The following PICALM variants were observed in gnomAD, a reference collection of about 807,000 sequenced individuals.
PICALM encodes phosphatidylinositol-binding clathrin assembly protein.
A neutral mutation model predicts 80.5 loss-of-function variants in PICALM; 40 were observed. That is an observed-to-expected ratio of 0.50 (90% confidence interval 0.39 to 0.65). PICALM has a LOEUF of 0.65. Among genes scored for constraint, PICALM ranks in the 30% least tolerant of loss-of-function variants. The probability of loss-of-function intolerance (pLI) is 0.00; values close to 1 mark genes in which losing one functional copy is unlikely to be tolerated. For synonymous variants in PICALM, 288 were observed against 260.3 expected (o/e 1.11, Z -1.02); for missense variants, 676 against 778.9 (o/e 0.87, Z 1.57).
intron 1 of PICALM, among the ~76,000 whole-genome samples, chr11:86,036,593 T>A (rs777934682): frequency 2.6e-5 from 4 of 152,162 alleles, no homozygotes; most frequent in Admixed American, 2.6e-4. Context: ...TTTAGAACAA[T>A]ACTAATGAAG....
chr11:85,983,874 T>A lies in PICALM; in HGVS notation c.1508A>T (p.Asp503Val). 1 of 1,483,790 alleles carries A rather than the reference T, an allele frequency of 6.7e-7. No homozygotes were observed. Among genetic ancestry groups the A allele is most frequent in the Non-Finnish European group, 9.3e-7 (1 of 1,070,066 alleles). The allele number at this position is 1,483,790 out of a possible 1,614,324, so 91.9% of individuals were successfully genotyped here. Residue 503 changes from aspartate (D) to valine (V), a missense_variant, in exon 14 of 20, where the codon GAT becomes GTT. By Grantham distance (152) the Asp-to-Val change is radical. This residue lies in a region of PICALM where 391 missense variants were observed against 383.6 expected (regional missense o/e 1.02). Transcript: ENST00000393346. ...AAATTTTTTTTCCTTACCCCCAGAA[T>A]CTACAATAACATTTGTAGATTTATT... ...FGNKSTNVIV[D>V]SGGFDELGGL...
intron 11 of PICALM, among the ~76,000 whole-genome samples, chr11:85,999,037 T>C (rs1399338595): frequency 1.3e-5 from 2 of 152,388 alleles, no homozygotes; most frequent in Admixed American, 1.3e-4. Context: ...ATGCATACCA[T>C]GTAATTATCA....
chr11:85,971,929 T>G (rs745560867), intron 19 of PICALM, among the ~76,000 whole-genome samples: 28 of 151,958 alleles, frequency 1.8e-4, no homozygotes, highest in Non-Finnish European at 3.1e-4. Flanking sequence ...ATTCCAGACA[T>G]GCACCACCAA....
intron 19 of PICALM, among the ~76,000 whole-genome samples, chr11:85,970,403 G>A (rs150018213): frequency 5.3e-5 from 8 of 152,300 alleles, no homozygotes; most frequent in Admixed American, 2.6e-4. Flanking sequence ...GCATGGAATC[G>A]AAGAACTTGA....
At position 86,053,361 on chromosome 11, in the gene PICALM, A is replaced by G. The variant is rs145867341; in HGVS notation, c.130+15290T>C. ...ACGTGGACCTGTAACCAATCAGACT[A>G]TGTCTGGATGTCACTTCTTTTTCTG... is the stretch of plus-strand genomic sequence containing the variant. On this transcript the variant is annotated intron_variant, in intron 1 of 19. Transcript: ENST00000393346. Among the ~76,000 whole-genome samples the G allele has an allele frequency of 3.1e-3, 471 of 152,326 alleles. 3 individuals carry two copies. Among genetic ancestry groups the G allele is most frequent in the African/African-American group, 0.011 (454 of 41,558 alleles).
intron 1 of PICALM, among the ~76,000 whole-genome samples, chr11:86,033,314 A>AT (rs914011454): frequency 6.6e-6 from 1 of 152,164 alleles, no homozygotes; most frequent in African/African-American, 2.4e-5. Flanking sequence ...GTTATAAAAC[A>AT]TATGTGTATG....
intron 1 of PICALM, among the ~76,000 whole-genome samples, chr11:86,038,511 G>A (rs981311784): frequency 2.0e-5 from 3 of 151,956 alleles, no homozygotes; most frequent in African/African-American, 7.3e-5. Flanking sequence ...GGCCGGGCAC[G>A]GTGGCTCACG....
intron 7 of PICALM, among the ~76,000 whole-genome samples, chr11:86,008,525 C>G (rs1449469682): frequency 4.6e-5 from 7 of 151,726 alleles, no homozygotes; most frequent in Non-Finnish European, 1.0e-4. Flanking sequence ...CAGGCTGAAG[C>G]AGGAGAATCG....
chr11:85,990,379 C>G lies in PICALM; in HGVS notation c.1279G>C (p.Asp427His). ...CTTGGAATGGCATCATCAACAGCATCTACAGTAGCAGAGAAAGGATCTGTG... is the reference window on the plus strand; with the variant it reads ...CTTGGAATGGCATCATCAACAGCATGTACAGTAGCAGAGAAAGGATCTGTG... The part of the protein sequence containing the change: ...TWGDPFSATV[D>H]AVDDAIPSLN... The change falls in exon 13 of 20, where the codon GAT becomes CAT. Residue 427 changes from aspartate (D) to histidine (H), a missense_variant. Asp to His is a moderately conservative substitution (Grantham distance 81, BLOSUM62 -1). Coordinates refer to ENST00000393346, the MANE Select transcript of PICALM (RefSeq NM_007166.4). The G allele has an allele frequency of 6.2e-7, 1 of 1,606,284 alleles. No homozygotes were observed. Among genetic ancestry groups the G allele is most frequent in the Non-Finnish European group, 8.5e-7 (1 of 1,174,120 alleles).
intron 1 of PICALM, among the ~76,000 whole-genome samples, chr11:86,033,822 G>A (rs1318392754): frequency 6.6e-6 from 1 of 151,962 alleles, no homozygotes; most frequent in East Asian, 1.9e-4. Flanking sequence ...ATTCATTTTG[G>A]TATGCATATG....
chr11:86,062,445 G>T (rs971432408), intron 1 of PICALM, among the ~76,000 whole-genome samples: 1 of 151,788 alleles, frequency 6.6e-6, no homozygotes, highest in Admixed American at 6.6e-5. Flanking sequence ...TTGAACCCAG[G>T]AGGCAAAGGT....
chr11:86,012,181 C>G (rs1297471086), intron 6 of PICALM, 100 bp downstream of exon 6: 1 of 546,616 alleles, frequency 1.8e-6, no homozygotes, highest in African/African-American at 1.9e-5. Context: ...ATGAATATAT[C>G]ATAATAAATT....
intron 14 of PICALM, among the ~76,000 whole-genome samples, chr11:85,982,438 T>TTTTTTTTTTTTTTTTTA (rs1565278982): frequency 1.5e-5 from 2 of 135,704 alleles, no homozygotes; most frequent in South Asian, 2.4e-4. Context: ...TTTTTTTTTT[T>TTTTTTTTTTTTTTTTTA]GAGACGGAGT....
At chr11:86,038,176 C>T (rs11234521) in intron 1 of PICALM, among the ~76,000 whole-genome samples, 1,977 of 151,966 alleles carry the variant, frequency 0.013, 41 homozygotes, top group African/African-American at 0.046. Context: ...AAAAATTAGC[C>T]AGGCATGGTG....
chr11:86,005,797 T>C (rs2095264063), intron 8 of PICALM, among the ~76,000 whole-genome samples: 1 of 148,120 alleles, frequency 6.8e-6, no homozygotes, highest in Non-Finnish European at 1.5e-5. Flanking sequence ...AAAGAGTAAA[T>C]AATCTCAAAT....
intron 1 of PICALM, among the ~76,000 whole-genome samples, chr11:86,065,243 C>T (rs1477400173): frequency 1.3e-5 from 2 of 152,206 alleles, no homozygotes; most frequent in African/African-American, 4.8e-5. Context: ...GTCAAGAGAT[C>T]CAGACCATCC....
chr11:85,983,366 C>A (rs1014874652), intron 14 of PICALM, among the ~76,000 whole-genome samples: 1 of 152,088 alleles, frequency 6.6e-6, no homozygotes, highest in Non-Finnish European at 1.5e-5. Flanking sequence ...TAATAAGAAT[C>A]ATTCATAAAA....
intron 1 of PICALM, among the ~76,000 whole-genome samples, chr11:86,057,164 T>C (rs1221471752): frequency 6.6e-6 from 1 of 152,206 alleles, no homozygotes; most frequent in Non-Finnish European, 1.5e-5. Context: ...TTATGTTATG[T>C]AGATTATGTC....
At chr11:86,024,569 C>T (rs949409761) in intron 3 of PICALM, among the ~76,000 whole-genome samples, 3 of 151,748 alleles carry the variant, frequency 2.0e-5, no homozygotes, top group Admixed American at 6.6e-5. Context: ...TCTAACTTGA[C>T]TAAGCTATGA....
Sources: gnomAD v4.1 joint callset for allele counts (sites outside exome capture counted in the v4.1 genomes callset) on GRCh38, gnomAD v4.1.1 for gene constraint, gnomAD v4.1.1 regional missense constraint, MANE v1.5 for transcripts, NCBI Gene and HGNC (gene_info 2026-07-23, HGNC 2026-07-21) for gene names.